Variants in ABI3BP observed in about 807,000 individuals in gnomAD.
ABI3BP encodes target of Nesh-SH3.
A neutral mutation model predicts 268.6 loss-of-function variants in ABI3BP; 216 were observed. The ratio of observed to expected loss-of-function variants is 0.80; its 90% CI spans 0.72 to 0.90. The LOEUF (loss-of-function observed/expected upper bound fraction) is 0.90. ABI3BP is among the 40% of genes least tolerant of loss of function. ABI3BP has a pLI of 0.00. For synonymous variants in ABI3BP, 730 were observed against 730.0 expected (o/e 1.00, Z 0.00); for missense variants, 2,090 against 2,182.4 (o/e 0.96, Z 0.84).
chr3:100,874,794 T>G, intron 9 of ABI3BP, 47 bp downstream of exon 9: 1 of 1,117,138 alleles, frequency 9.0e-7, no homozygotes, highest in Non-Finnish European at 1.3e-6. Flanking sequence ...ATATCAGTGC[T>G]AGTACTCAGT....
At chr3:100,874,997 T>C (rs1036646835) in intron 8 of ABI3BP, 64 bp from the exon 9 acceptor site, 1 of 899,970 alleles carries the variant, frequency 1.1e-6, no homozygotes, top group Non-Finnish European at 1.7e-6. Flanking sequence ...AAAATGAAGC[T>C]CAGCACATCA....
intron 10 of ABI3BP, among the ~76,000 whole-genome samples, chr3:100,865,912 G>C (rs1042159523): frequency 2.3e-4 from 35 of 152,186 alleles, no homozygotes; most frequent in Admixed American, 4.6e-4. Context: ...GGTCACTCCA[G>C]TAGCTATACC....
intron 45 of ABI3BP, among the ~76,000 whole-genome samples, chr3:100,813,082 T>C (rs1212543707): frequency 6.6e-6 from 1 of 152,168 alleles, no homozygotes; most frequent in African/African-American, 2.4e-5. Flanking sequence ...GGTTTTGCCA[T>C]GTTGCCAAGG....
At chr3:100,966,493 T>C (rs559441316) in intron 1 of ABI3BP, among the ~76,000 whole-genome samples, 1 of 152,178 alleles carries the variant, frequency 6.6e-6, no homozygotes, top group African/African-American at 2.4e-5. Context: ...TACTATCCAG[T>C]CTTTTACAGA....
At chr3:100,844,475 G>C in intron 20 of ABI3BP, 1 of 985,044 alleles carries the variant, frequency 1.0e-6, no homozygotes, top group Non-Finnish European at 1.2e-6. Flanking sequence ...AAAGGAAAAG[G>C]AGCCTGTAAA....
chr3:100,765,883 T>C lies in ABI3BP; in HGVS notation c.4808A>G (p.Asn1603Ser). The C allele has an allele frequency of 6.2e-7, 1 of 1,612,716 alleles. No individual in the cohort carries two copies. Among genetic ancestry groups the C allele is most frequent in the Non-Finnish European group, 8.5e-7 (1 of 1,179,296 alleles). Reference protein sequence around the residue: ...SGKNKSIQMTNQTFSTVENLK... With the variant: ...SGKNKSIQMTSQTFSTVENLK... ...ATTTTCTACTGTGGAAAATGTCTGA[T>C]TTGTCATTTGAATGGACTTGTTCTT... The change falls in exon 63 of 68, where the codon AAT becomes AGT. Residue 1603 changes from asparagine to serine, a missense_variant. Coordinates refer to ENST00000471714, the MANE Select transcript of ABI3BP (RefSeq NM_001375547.2).
At chr3:100,823,264 T>G (rs1460747918) in intron 37 of ABI3BP, among the ~76,000 whole-genome samples, 194 bp downstream of exon 37, 1 of 152,128 alleles carries the variant, frequency 6.6e-6, no homozygotes. Context: ...TCAAGCAGAT[T>G]ATATGGCATA....
intron 9 of ABI3BP, 86 bp from the exon 10 acceptor site, chr3:100,867,042 A>G: frequency 4.0e-6 from 4 of 998,444 alleles, no homozygotes; most frequent in Non-Finnish European, 6.2e-6. Context: ...GCAGACTAAA[A>G]ATCTAATCTC....
Position 100,835,627 on chromosome 3 carries a change from C to T in ABI3BP, c.2165G>A (p.Arg722Lys). The T allele has an allele frequency of 4.6e-6, 7 of 1,535,298 alleles. No individual in the cohort carries two copies. The highest frequency in any genetic ancestry group is 1.7e-4 in the Middle Eastern group (1 of 5,980). Residue 722 changes from arginine to lysine, a missense_variant, in exon 28 of 68, where the codon AGA (arginine) becomes AAA (lysine). Coordinates refer to ENST00000471714, the MANE Select transcript of ABI3BP (RefSeq NM_001375547.2). The part of the protein sequence containing the change: ...PTTDIEPVTV[R>K]TEATVTTLAP... Reference sequence around the variant, plus strand: ...TAATGTTGTCACTGTAGCCTCAGTTCTCACAGTTACAGGCTCAATGTCTGT... The same window carrying T: ...TAATGTTGTCACTGTAGCCTCAGTTTTCACAGTTACAGGCTCAATGTCTGT...
intron 2 of ABI3BP, among the ~76,000 whole-genome samples, chr3:100,903,635 T>G (rs2051622978): frequency 6.6e-6 from 1 of 152,234 alleles, no homozygotes; most frequent in Non-Finnish European, 1.5e-5. Flanking sequence ...ATCTTTGTTT[T>G]GTTTTCATTC....
intron 1 of ABI3BP, among the ~76,000 whole-genome samples, chr3:100,944,676 C>T (rs1312157081): frequency 6.6e-6 from 1 of 152,102 alleles, no homozygotes; most frequent in Non-Finnish European, 1.5e-5. Context: ...GTTTTATCTG[C>T]CATCTTTGCT....
chr3:100,860,367 G>T (rs6804927), intron 14 of ABI3BP, among the ~76,000 whole-genome samples: 8,506 of 152,222 alleles, frequency 0.056, 698 homozygotes, highest in African/African-American at 0.17. Flanking sequence ...TAGAGAGGGT[G>T]GGGAGTTCTC....
intron 1 of ABI3BP, among the ~76,000 whole-genome samples, chr3:100,966,080 G>A (rs929272795): frequency 4.6e-5 from 7 of 152,174 alleles, no homozygotes; most frequent in African/African-American, 9.7e-5. Flanking sequence ...ATGAAAGCAC[G>A]ATCGACTTCA....
chr3:100,864,595 T>A (rs1233370052), intron 11 of ABI3BP: 4 of 491,398 alleles, frequency 8.1e-6, no homozygotes, highest in Non-Finnish European at 1.4e-5. Flanking sequence ...GGCATTTAGT[T>A]AGCAATTAGC....
At chr3:100,768,781 G>T (rs918379716) in intron 62 of ABI3BP, among the ~76,000 whole-genome samples, 1 of 152,182 alleles carries the variant, frequency 6.6e-6, no homozygotes, top group African/African-American at 2.4e-5. Flanking sequence ...AAATAAAGCT[G>T]GTCTGGGATT....
chr3:100,890,022 C>G (rs1221966052), intron 4 of ABI3BP, among the ~76,000 whole-genome samples: 1 of 151,958 alleles, frequency 6.6e-6, no homozygotes, highest in Non-Finnish European at 1.5e-5. Flanking sequence ...TAACAAAATA[C>G]CTGAGACAGA....
intron 20 of ABI3BP, among the ~76,000 whole-genome samples, chr3:100,845,593 C>G (rs1193705945): frequency 1.3e-5 from 2 of 152,110 alleles, no homozygotes; most frequent in Non-Finnish European, 2.9e-5. Flanking sequence ...AGTTCAAAAT[C>G]CATTAAACAT....
intron 19 of ABI3BP, among the ~76,000 whole-genome samples, chr3:100,846,805 G>A (rs1244186899): frequency 6.6e-6 from 1 of 151,864 alleles, no homozygotes. Context: ...TCTCATCTAA[G>A]TCTGAGCACT....
Position 100,817,509 on chromosome 3 carries a change from A to G in ABI3BP, c.3089-14T>C. 6.9e-7 allele frequency: 1 copy of G among 1,440,776 alleles called. No homozygotes were observed. The highest frequency in any genetic ancestry group is 9.2e-7 in the Non-Finnish European group (1 of 1,090,062). The allele number at this position is 1,440,776 out of a possible 1,614,324, so 89.2% of individuals were successfully genotyped here. On this transcript the variant is annotated splice_polypyrimidine_tract_variant and intron_variant, in intron 41 of 67. Transcript: ENST00000471714. Reference sequence around the variant, plus strand: ...CTGTAGTAACAACTAGACAAAAATAATAAAATAAAGCAAAAAGATTTAACT... The same window carrying G: ...CTGTAGTAACAACTAGACAAAAATAGTAAAATAAAGCAAAAAGATTTAACT...
Sources: allele counts gnomAD v4.1 joint callset (sites outside exome capture counted in the v4.1 genomes callset), GRCh38; gene constraint gnomAD v4.1.1; transcripts MANE v1.5; gene names NCBI Gene and HGNC (gene_info 2026-07-23, HGNC 2026-07-21).